CDH12: variants seen among roughly 807,000 people sequenced by gnomAD.
The protein encoded by CDH12 is cadherin 12.
CDH12 carries 41 observed loss-of-function variants against 74.1 expected under a neutral mutation model. That is an observed-to-expected ratio of 0.55 (90% CI 0.43 to 0.72). CDH12 has a LOEUF of 0.72. Among genes scored for constraint, CDH12 ranks in the 30% least tolerant of loss-of-function variants. The pLI is 0.00. For synonymous variants in CDH12, 399 were observed against 355.0 expected, an observed-to-expected ratio of 1.12 and a Z score of -1.39; for missense variants, 945 against 977.2, an observed-to-expected ratio of 0.97 and a Z score of 0.44.
chr5:22,337,113 C>T (rs992678597), intron 3 of CDH12, among the ~76,000 whole-genome samples: 3 of 152,208 alleles, frequency 2.0e-5, no homozygotes, highest in South Asian at 2.1e-4. Context: ...TTCAGACTTG[C>T]ATGGGGCCTG....
At chr5:21,868,060 T>C (rs1428324131) in intron 6 of CDH12, among the ~76,000 whole-genome samples, 1 of 152,194 alleles carries the variant, frequency 6.6e-6, no homozygotes, top group Non-Finnish European at 1.5e-5. Flanking sequence ...TGGTTCTCAC[T>C]CTTGTCTTGT....
At chr5:21,958,031 G>C (rs1756178991) in intron 6 of CDH12, among the ~76,000 whole-genome samples, 1 of 151,934 alleles carries the variant, frequency 6.6e-6, no homozygotes, top group Admixed American at 6.6e-5. Context: ...GAATCTGGGG[G>C]TGGTTTCACC....
At chr5:22,397,301 A>G (rs1447456549) in intron 3 of CDH12, among the ~76,000 whole-genome samples, 1 of 152,098 alleles carries the variant, frequency 6.6e-6, no homozygotes, top group Non-Finnish European at 1.5e-5. Flanking sequence ...GAGCAACAAG[A>G]TGAAAAAGAA....
chr5:22,183,718 C>A lies in CDH12; in HGVS notation c.-187+28780G>T, dbSNP rs111909140. Among the ~76,000 whole-genome samples the A allele has an allele frequency of 7.3e-3, 1,115 of 152,250 alleles. 13 individuals carry two copies. The highest frequency in any genetic ancestry group is 0.026 in the African/African-American group (1,076 of 41,558). ...ACTGCTAAGGATCAGCAGGGACAAT[C>A]TCACTCATACCCACAGGACACAAGA... On this transcript the variant is annotated intron_variant, in intron 4 of 14. Transcript: ENST00000382254.
intron 6 of CDH12, among the ~76,000 whole-genome samples, chr5:21,961,796 G>A (rs1756375274): frequency 6.6e-6 from 1 of 152,114 alleles, no homozygotes; most frequent in Non-Finnish European, 1.5e-5. Flanking sequence ...TTCAGGACTT[G>A]AGATAATACA....
intron 6 of CDH12, among the ~76,000 whole-genome samples, chr5:21,892,073 C>T (rs1752925094): frequency 6.6e-6 from 1 of 152,110 alleles, no homozygotes; most frequent in Admixed American, 6.6e-5. Flanking sequence ...ATATCTTGGA[C>T]TTCCAGTTAA....
intron 3 of CDH12, among the ~76,000 whole-genome samples, chr5:22,350,238 A>G (rs556147180): frequency 1.3e-5 from 2 of 152,332 alleles, no homozygotes; most frequent in African/African-American, 2.4e-5. Context: ...TTACAATAGA[A>G]GACTTAAACT....
At chr5:22,110,795 T>C (rs1016765653) in intron 4 of CDH12, among the ~76,000 whole-genome samples, 9 of 152,158 alleles carry the variant, frequency 5.9e-5, no homozygotes, top group Non-Finnish European at 1.2e-4. Flanking sequence ...TCTATCCTCC[T>C]AGCCTGGTGG....
At chr5:22,005,526 C>T (rs1365120315) in intron 5 of CDH12, among the ~76,000 whole-genome samples, 3 of 151,532 alleles carry the variant, frequency 2.0e-5, no homozygotes, top group African/African-American at 7.3e-5. Flanking sequence ...TAAAATGCAA[C>T]CTGCTTTGAC....
intron 10 of CDH12, among the ~76,000 whole-genome samples, chr5:21,789,689 C>T (rs1335937196): frequency 3.9e-5 from 6 of 152,096 alleles, no homozygotes; most frequent in African/African-American, 1.2e-4. Context: ...CTTTTCTTTA[C>T]TTCCATCTTT....
intron 3 of CDH12, among the ~76,000 whole-genome samples, chr5:22,364,073 C>T (rs1323537701): frequency 6.6e-6 from 1 of 152,080 alleles, no homozygotes; most frequent in East Asian, 1.9e-4. Flanking sequence ...GAAAGTGGCA[C>T]CAAGAGACAC....
chr5:21,765,068 T>C lies in CDH12; in HGVS notation c.1425A>G (p.Ile475Met). ...SNPLLTSKVNILINVLDVNEF... is the reference protein window; with the variant it reads ...SNPLLTSKVNMLINVLDVNEF... ...CATTTACATCTAAGACATTAATCAG[T>C]ATATTGACTTTGCTGGTCAATAAAG... Residue 475 changes from isoleucine to methionine, a missense_variant, in exon 12 of 15, where the codon ATA (isoleucine) becomes ATG (methionine). Physicochemically the swap from Ile to Met is conservative, Grantham distance 10. This residue lies in a region of CDH12 where 791 missense variants were observed against 792.8 expected (regional missense o/e 1.00). Transcript: ENST00000382254. 6.3e-7 allele frequency: 1 copy of C among 1,599,370 alleles called. No individual in the cohort carries two copies. Among genetic ancestry groups the C allele is most frequent in the Non-Finnish European group, 8.5e-7 (1 of 1,173,196 alleles).
intron 3 of CDH12, among the ~76,000 whole-genome samples, chr5:22,319,444 AG>A (rs1048210399): frequency 6.6e-6 from 1 of 152,212 alleles, no homozygotes; most frequent in Admixed American, 6.5e-5. Flanking sequence ...CTAGCAGCAC[AG>A]TACGGAAATT....
chr5:22,599,887 A>G (rs1487401), intron 1 of CDH12, among the ~76,000 whole-genome samples: 22,520 of 152,138 alleles, frequency 0.15, 2,168 homozygotes, highest in Admixed American at 0.33. Flanking sequence ...TCAAAGAAGA[A>G]CACTTTGGAA....
chr5:22,180,851 A>C (rs1749606569), intron 4 of CDH12, among the ~76,000 whole-genome samples: 1 of 152,028 alleles, frequency 6.6e-6, no homozygotes, highest in African/African-American at 2.4e-5. Flanking sequence ...TACCCACAGA[A>C]TCTATAATTG....
At chr5:21,788,816 CA>C (rs2149904487) in intron 10 of CDH12, among the ~76,000 whole-genome samples, 1 of 152,126 alleles carries the variant, frequency 6.6e-6, no homozygotes, top group African/African-American at 2.4e-5. Context: ...ATACAGTCAT[CA>C]GTTTTTATTC....
intron 4 of CDH12, among the ~76,000 whole-genome samples, chr5:22,101,419 T>A (rs1561111621): frequency 1.3e-5 from 2 of 152,204 alleles, no homozygotes. Flanking sequence ...TTCTTCTTCT[T>A]TCTTTTACAT....
chr5:21,982,619 C>A (rs933120765), intron 5 of CDH12, among the ~76,000 whole-genome samples: 1 of 151,596 alleles, frequency 6.6e-6, no homozygotes, highest in Non-Finnish European at 1.5e-5. Context: ...TATCTATAAT[C>A]TATATATCTA....
chr5:22,191,100 T>C (rs1421104719), intron 4 of CDH12, among the ~76,000 whole-genome samples: 3 of 152,164 alleles, frequency 2.0e-5, no homozygotes, highest in African/African-American at 7.2e-5. Flanking sequence ...TTAGCTGCTG[T>C]AGCTTCTCTC....
Sources: allele counts gnomAD v4.1 joint callset (sites outside exome capture counted in the v4.1 genomes callset), GRCh38; gene constraint gnomAD v4.1.1; regional missense constraint gnomAD v4.1.1; transcripts MANE v1.5; gene names NCBI Gene and HGNC (gene_info 2026-07-23, HGNC 2026-07-21).